SYNE1: variants seen among roughly 807,000 people sequenced by gnomAD.
The protein encoded by SYNE1 is nesprin-1.
SYNE1 carries 616 observed loss-of-function variants against 1,111.0 expected under a neutral mutation model. That is an observed-to-expected ratio of 0.55 (90% CI 0.52 to 0.59). SYNE1 has a LOEUF of 0.59. Among genes scored for constraint, SYNE1 ranks in the 20% least tolerant of loss-of-function variants. The pLI, the probability that SYNE1 is intolerant of heterozygous loss-of-function variation, is 0.00. For missense variants in SYNE1, 10,006 were observed against 10,417.0 expected (o/e 0.96, Z 1.72); for synonymous variants, 3,855 against 3,825.8 (o/e 1.01, Z -0.28).
chr6:152,330,037 A>G lies in SYNE1; in HGVS notation c.14648T>C (p.Met4883Thr), dbSNP rs1484306907. 1.9e-6 allele frequency: 3 copies of G among 1,614,056 alleles called. No homozygotes were observed. The highest frequency in any genetic ancestry group is 2.5e-6 in the Non-Finnish European group (3 of 1,180,036). Residue 4883 changes from methionine to threonine, a missense_variant, in exon 78 of 146, where the codon ATG (methionine) becomes ACG (threonine). Around this residue, in one of 7 missense-constraint regions of SYNE1, gnomAD observed 4,955 missense variants for 5,017.2 expected, o/e 0.99. Coordinates refer to ENST00000367255, the MANE Select transcript of SYNE1 (RefSeq NM_182961.4). ...GETVTECESR[M>T]VQSIDFQTEM... ...AGTCTGGAAGTCTATACTCTGCACC[A>G]TTCGGCTCTCACATTCTGTCACCGT...
rs937415376 is a variant in SYNE1, at chr6:152,585,830, T to C, written c.67+42435A>G. ...CATATGGAATCGTAAAAATAAGTGA[T>C]TTTAGCCTACAAAATGTCAGTTGCA... On this transcript the variant is annotated intron_variant, in intron 3 of 145. Transcript: ENST00000367255. 3.9e-5 allele frequency among the ~76,000 whole-genome samples: 6 copies of C among 152,210 alleles called. No homozygotes were observed. In the South Asian group the frequency reaches 1.2e-3, roughly 32 times the overall value.
intron 6 of SYNE1, among the ~76,000 whole-genome samples, chr6:152,515,861 T>G (rs1176026284): frequency 6.6e-6 from 1 of 152,146 alleles, no homozygotes; most frequent in South Asian, 2.1e-4. Context: ...CTTACATAAG[T>G]TTTTTCAATA....
intron 3 of SYNE1, among the ~76,000 whole-genome samples, chr6:152,613,548 C>G (rs2099637966): frequency 6.6e-6 from 1 of 152,048 alleles, no homozygotes. Context: ...TAGGTAGAAT[C>G]AATATTGTGA....
chr6:152,533,900 T>C (rs1309287147), intron 4 of SYNE1, among the ~76,000 whole-genome samples: 1 of 152,176 alleles, frequency 6.6e-6, no homozygotes, highest in Non-Finnish European at 1.5e-5. Context: ...GGCTTACAGC[T>C]GTAATCCCAG....
chr6:152,599,375 T>G (rs2128623694), intron 3 of SYNE1, among the ~76,000 whole-genome samples: 1 of 152,326 alleles, frequency 6.6e-6, no homozygotes, highest in African/African-American at 2.4e-5. Flanking sequence ...CTTTCCAGAA[T>G]TCCTCCCACT....
intron 3 of SYNE1, among the ~76,000 whole-genome samples, chr6:152,540,695 T>C (rs988200676): frequency 6.6e-6 from 1 of 152,218 alleles, no homozygotes; most frequent in Admixed American, 6.5e-5. Context: ...TACTCCAGCT[T>C]AGCTGACTGG....
intron 3 of SYNE1, among the ~76,000 whole-genome samples, chr6:152,577,391 G>C (rs751757921): frequency 6.6e-6 from 1 of 152,174 alleles, no homozygotes; most frequent in Non-Finnish European, 1.5e-5. Flanking sequence ...CCAGCACTTG[G>C]GGAGGCCGAG....
At chr6:152,575,123 G>A (rs1436765418) in intron 3 of SYNE1, among the ~76,000 whole-genome samples, 2 of 152,142 alleles carry the variant, frequency 1.3e-5, no homozygotes, top group Non-Finnish European at 2.9e-5. Flanking sequence ...AGTTGATGAG[G>A]TTTTCTCTAA....
chr6:152,221,340 A>T, intron 118 of SYNE1, 86 bp downstream of exon 118: 1 of 1,524,232 alleles, frequency 6.6e-7, no homozygotes, highest in East Asian at 2.4e-5. Context: ...ATATAGCTCA[A>T]ATTCAAACTG....
chr6:152,391,591 A>AAAAG (rs370315783), intron 51 of SYNE1, 23 bp from the exon 52 acceptor site: 1 of 1,556,496 alleles, frequency 6.4e-7, no homozygotes, highest in African/African-American at 1.5e-5. Flanking sequence ...AAAAAAAAAA[A>AAAAG]AAAGAAAAAA....
intron 1 of SYNE1, 172 bp downstream of exon 1, chr6:152,637,017 G>A (rs1304333930): frequency 1.3e-5 from 2 of 152,354 alleles, no homozygotes; most frequent in African/African-American, 4.8e-5. Flanking sequence ...TGCTCCTGTC[G>A]GGAAGGAAGG....
chr6:152,301,863 C>A lies in SYNE1; in HGVS notation c.17541+6G>T. 1 of 1,608,856 alleles carries A rather than the reference C, an allele frequency of 6.2e-7. No homozygotes were observed. The highest frequency in any genetic ancestry group is 8.5e-7 in the Non-Finnish European group (1 of 1,176,332). ...GCAAAGCCGCGGGGACCCACTGGAT[C>A]CTTACCATGACCACAGAGGGGTGGG... is the stretch of plus-strand genomic sequence containing the variant. On this transcript the variant is annotated splice_donor_region_variant and intron_variant, in intron 92 of 145. Coordinates refer to ENST00000367255, the MANE Select transcript of SYNE1 (RefSeq NM_182961.4).
Position 152,215,058 on chromosome 6 carries a change from T to G in SYNE1, c.22194A>C (p.Gly7398=). 1 of 1,613,952 alleles carries G rather than the reference T, an allele frequency of 6.2e-7. No individual in the cohort carries two copies. The highest frequency in any genetic ancestry group is 8.5e-7 in the Non-Finnish European group (1 of 1,179,954). ...TIQERMEELK[G]QMLKFSSMAP... ...CCATGCTGCTGAATTTTAACATCTGTCCCTAGAAGGAAGATTTAAAAGTAG... is the reference window on the plus strand; with the variant it reads ...CCATGCTGCTGAATTTTAACATCTGGCCCTAGAAGGAAGATTTAAAAGTAG... Residue 7398 remains glycine, a splice_region_variant and synonymous_variant, in exon 122 of 146, where the codon GGA becomes GGC. Coordinates refer to ENST00000367255, the MANE Select transcript of SYNE1 (RefSeq NM_182961.4).
At chr6:152,557,006 C>T (rs1246718523) in intron 3 of SYNE1, among the ~76,000 whole-genome samples, 1 of 151,992 alleles carries the variant, frequency 6.6e-6, no homozygotes, top group African/African-American at 2.4e-5. Flanking sequence ...ACATAATCTT[C>T]TAACAAAGAA....
At chr6:152,133,965 C>T (rs2056461976) in intron 142 of SYNE1, 1 of 176,092 alleles carries the variant, frequency 5.7e-6, no homozygotes, top group African/African-American at 2.4e-5. Flanking sequence ...AAATGCAGTT[C>T]CACAGCTATT....
At chr6:152,609,499 C>G (rs2099625308) in intron 3 of SYNE1, among the ~76,000 whole-genome samples, 1 of 152,126 alleles carries the variant, frequency 6.6e-6, no homozygotes, top group Admixed American at 6.5e-5. Context: ...CCACACAGGT[C>G]AGCAAGACCT....
At chr6:152,225,575 G>T in intron 116 of SYNE1, 146 bp downstream of exon 116, 1 of 875,510 alleles carries the variant, frequency 1.1e-6, no homozygotes, top group Non-Finnish European at 1.8e-6. Flanking sequence ...AAAAAAAAAA[G>T]AGGATAACGA....
intron 12 of SYNE1, among the ~76,000 whole-genome samples, 196 bp downstream of exon 12, chr6:152,488,200 A>G (rs1441154954): frequency 6.6e-6 from 1 of 152,236 alleles, no homozygotes; most frequent in Non-Finnish European, 1.5e-5. Flanking sequence ...TGTGGACACA[A>G]TGCAACTTAA....
rs115900787 is a variant in SYNE1, at chr6:152,345,539, A to C, written c.12079-1312T>G. 3.4e-3 allele frequency among the ~76,000 whole-genome samples: 505 copies of C among 150,522 alleles called. 4 individuals carry two copies. Among genetic ancestry groups the C allele is most frequent in the African/African-American group, 0.011 (470 of 40,918 alleles). On this transcript the variant is annotated intron_variant, in intron 73 of 145. Coordinates refer to ENST00000367255, the MANE Select transcript of SYNE1 (RefSeq NM_182961.4). ...ACGGACCATTCTAACCACATCACTG[A>C]TGTATCACCAGTTCTTTTTGTTAAC...
Sources: allele counts gnomAD v4.1 joint callset (sites outside exome capture counted in the v4.1 genomes callset), GRCh38; gene constraint gnomAD v4.1.1; regional missense constraint gnomAD v4.1.1; transcripts MANE v1.5; gene names NCBI Gene and HGNC (gene_info 2026-07-23, HGNC 2026-07-21).